The following SORBS2 variants were observed in gnomAD, a reference collection of about 807,000 sequenced individuals.
The protein encoded by SORBS2 is sorbin and SH3 domain containing 2.
A neutral mutation model predicts 97.7 loss-of-function variants in SORBS2; 46 were observed. The ratio of observed to expected loss-of-function variants is 0.47; its 90% confidence interval spans 0.37 to 0.60. SORBS2 has a LOEUF of 0.60. Among genes scored for constraint, SORBS2 ranks in the 20% least tolerant of loss-of-function variants. The pLI is 0.00. For synonymous variants in SORBS2, 476 were observed against 473.4 expected (o/e 1.01, Z -0.07); for missense variants, 1,316 against 1,282.3 (o/e 1.03, Z -0.40).
At chr4:185,784,881 T>A (rs1478639568) in intron 1 of SORBS2, among the ~76,000 whole-genome samples, 1 of 152,214 alleles carries the variant, frequency 6.6e-6, no homozygotes, top group Non-Finnish European at 1.5e-5. Context: ...TGAGCCGACA[T>A]GCCTAACGCC....
intron 1 of SORBS2, among the ~76,000 whole-genome samples, chr4:185,878,907 T>A (rs1349242946): frequency 8.5e-5 from 13 of 152,174 alleles, no homozygotes; most frequent in Non-Finnish European, 1.0e-4. Flanking sequence ...TGTCCCTTGG[T>A]TAGACCAAGC....
intron 1 of SORBS2, among the ~76,000 whole-genome samples, chr4:185,889,094 C>T (rs2099241176): frequency 6.6e-6 from 1 of 152,146 alleles, no homozygotes; most frequent in African/African-American, 2.4e-5. Flanking sequence ...CATCCCTTTT[C>T]TGTTTTACTT....
chr4:185,938,890 G>C (rs536105635), intron 1 of SORBS2, among the ~76,000 whole-genome samples: 26 of 152,054 alleles, frequency 1.7e-4, no homozygotes, highest in Non-Finnish European at 2.4e-4. Context: ...CATTATGTCC[G>C]CTTCAAAGCA....
Position 185,607,291 on chromosome 4 carries a change from T to G in SORBS2, c.2796+4489A>C. 7.8e-7 allele frequency: 1 copy of G among 1,282,924 alleles called. No homozygotes were observed. The highest frequency in any genetic ancestry group is 1.0e-6 in the Non-Finnish European group (1 of 986,122). 79.5% of individuals were successfully genotyped at this position (1,282,924 alleles called of 1,614,324 possible). ...CTGGCCAGTTCCCTGGAGAGCTCCT[T>G]TATCTGAGCCAGGTGAGACTTTGTG... is the stretch of plus-strand genomic sequence containing the variant. On this transcript the variant is annotated intron_variant, in intron 12 of 14. Coordinates refer to ENST00000418609, the Ensembl canonical transcript of SORBS2. The surrounding 1 kb of genome is among the most constrained non-coding windows in gnomAD (Gnocchi z 5.2).
intron 1 of SORBS2, among the ~76,000 whole-genome samples, chr4:185,817,632 C>T (rs1417743515): frequency 6.6e-6 from 1 of 152,296 alleles, no homozygotes; most frequent in Non-Finnish European, 1.5e-5. Flanking sequence ...TGGGCTCTGC[C>T]GTCACGGCAT....
At chr4:185,941,504 G>A (rs989213987) in intron 1 of SORBS2, among the ~76,000 whole-genome samples, 1 of 152,166 alleles carries the variant, frequency 6.6e-6, no homozygotes, top group African/African-American at 2.4e-5. Flanking sequence ...AATCTTGAAC[G>A]AATGAAGAGT....
At chr4:185,869,778 T>C (rs951720228) in intron 1 of SORBS2, among the ~76,000 whole-genome samples, 2 of 152,230 alleles carry the variant, frequency 1.3e-5, no homozygotes, top group Admixed American at 6.5e-5. Flanking sequence ...ATCCATGGAA[T>C]TGGGAATCAC....
intron 1 of SORBS2, among the ~76,000 whole-genome samples, chr4:185,825,646 A>G (rs1407639822): frequency 6.6e-6 from 1 of 152,176 alleles, no homozygotes; most frequent in Non-Finnish European, 1.5e-5. Context: ...TCTGTATCTC[A>G]GAATACTGGT....
intron 2 of SORBS2, among the ~76,000 whole-genome samples, chr4:185,716,393 A>G (rs1371319826): frequency 6.6e-6 from 1 of 152,248 alleles, no homozygotes; most frequent in Non-Finnish European, 1.5e-5. Flanking sequence ...TGAAGGACCC[A>G]GTGGATGCGT....
At chr4:185,797,014 G>A (rs1277391682) in intron 1 of SORBS2, among the ~76,000 whole-genome samples, 2 of 152,144 alleles carry the variant, frequency 1.3e-5, no homozygotes, top group Admixed American at 6.6e-5. Flanking sequence ...CTTCCAGAGC[G>A]AATGTGGACA....
intron 2 of SORBS2, among the ~76,000 whole-genome samples, chr4:185,762,187 C>A (rs370182299): frequency 1.3e-5 from 2 of 152,080 alleles, no homozygotes; most frequent in Non-Finnish European, 2.9e-5. Context: ...AAGAAAAATT[C>A]GAATGCTTGT....
chr4:185,739,484 TACTA>T lies in SORBS2; in HGVS notation c.-198+35739_-198+35742del, dbSNP rs777104884. On this transcript the variant is annotated intron_variant, in intron 2 of 20. Coordinates refer to the SORBS2 transcript ENST00000284776. ...TTTAACTAATCCTTGTAAGTAAATC[TACTA>T]TAAGCGAAAAGCATTCTAAATTGAT... 3.3e-5 allele frequency among the ~76,000 whole-genome samples: 5 copies of T among 152,214 alleles called. 1 individual carries two copies. Among genetic ancestry groups the T allele is most frequent in the Non-Finnish European group, 5.9e-5 (4 of 68,042 alleles).
chr4:185,879,215 T>C (rs867565345), intron 1 of SORBS2, among the ~76,000 whole-genome samples: 31 of 129,442 alleles, frequency 2.4e-4, no homozygotes, highest in African/African-American at 9.2e-4. Context: ...TTCCCCTTCC[T>C]GTGTCCATGT....
chr4:185,661,021 T>C (rs1386295584), upstream of SORBS2, among the ~76,000 whole-genome samples: 1 of 152,304 alleles, frequency 6.6e-6, no homozygotes, highest in Admixed American at 6.5e-5. Context: ...ATGCCTGTAA[T>C]CCCAGCACTT....
In SORBS2 at chr4:185,684,924, T is replaced by C. The variant is rs912665625; in HGVS notation, c.-197-6102A>G. The C allele has an allele frequency of 1.2e-4, 129 of 1,068,626 alleles. No individual in the cohort carries two copies. The South Asian group carries it at 1.5e-3, about 13-fold the overall frequency. The allele number at this position is 1,068,626 out of a possible 1,614,324, so 66.2% of individuals were successfully genotyped here. ...GCAATATCATGCGTTTTAAGAGAAA[T>C]GTGCCAGACATCCATGAGAAAGATG... On this transcript the variant is annotated intron_variant, in intron 2 of 20. Transcript: ENST00000284776. The surrounding 1 kb of genome is among the most constrained non-coding windows in gnomAD (Gnocchi z 4.2).
intron 1 of SORBS2, among the ~76,000 whole-genome samples, chr4:185,943,188 G>A (rs2150005327): frequency 6.6e-6 from 1 of 152,310 alleles, no homozygotes; most frequent in African/African-American, 2.4e-5. Context: ...ATTCAGGAAA[G>A]ATCCCTTGGG....
At chr4:185,633,471 G>GT (rs56864890) in intron 4 of SORBS2, among the ~76,000 whole-genome samples, 2,772 of 137,820 alleles carry the variant, frequency 0.02, 64 homozygotes, top group African/African-American at 0.056. Context: ...TTTATGTGTT[G>GT]TTTTTTTTTT....
chr4:185,814,433 C>T lies in SORBS2; in HGVS notation c.-337-39067G>A, dbSNP rs78189603. On this transcript the variant is annotated intron_variant, in intron 1 of 20. Coordinates refer to the SORBS2 transcript ENST00000284776. ...GTGCACGCCTGTGGTCCCAGCTACT[C>T]GGGAGGCTGAGGAAGGAGGAATGTT... Among the ~76,000 whole-genome samples the T allele has an allele frequency of 0.015, 2,314 of 151,840 alleles. 139 individuals are homozygous for T. In the East Asian group the frequency reaches 0.16, roughly 10 times the overall value.
chr4:185,632,593 G>C (rs1393163335), intron 4 of SORBS2, among the ~76,000 whole-genome samples: 1 of 152,196 alleles, frequency 6.6e-6, no homozygotes, highest in Non-Finnish European at 1.5e-5. Context: ...AAGAGCCTGA[G>C]AGCATCGGCG....
Sources: allele counts gnomAD v4.1 joint callset (sites outside exome capture counted in the v4.1 genomes callset), GRCh38; gene constraint gnomAD v4.1.1; non-coding constraint Gnocchi (gnomAD v3.1); transcripts MANE v1.5; gene names NCBI Gene and HGNC (gene_info 2026-07-23, HGNC 2026-07-21).